Variants in FCGR3B observed in about 807,000 individuals in gnomAD.
The protein encoded by FCGR3B is Fc gamma receptor IIIb, also known as low affinity immunoglobulin gamma Fc region receptor III-B.
Under a neutral mutation model 26.7 loss-of-function variants are expected in FCGR3B, and 20 were observed. The ratio of observed to expected loss-of-function variants is 0.75; its 90% confidence interval spans 0.53 to 1.09. The LOEUF is 1.09. FCGR3B is among the 50% of genes least tolerant of loss of function. The probability of loss-of-function intolerance (pLI) is 0.00; values close to 1 mark genes in which losing one functional copy is unlikely to be tolerated. For synonymous variants in FCGR3B, 79 were observed against 107.0 expected, an observed-to-expected ratio of 0.74 and a Z score of 1.62; for missense variants, 191 against 279.7, an observed-to-expected ratio of 0.68 and a Z score of 2.26.
intron 3 of FCGR3B, among the ~76,000 whole-genome samples, chr1:161,627,738 C>T (rs982791918): frequency 3.3e-5 from 5 of 150,046 alleles, no homozygotes; most frequent in Non-Finnish European, 5.9e-5. Flanking sequence ...CAGTGAATGC[C>T]CATGTGTATA....
At chr1:161,624,774 G>A in intron 4 of FCGR3B, 135 bp from the exon 5 acceptor site, 1 of 833,242 alleles carries the variant, frequency 1.2e-6, no homozygotes, top group South Asian at 1.8e-5. Flanking sequence ...GGGAGGTCTG[G>A]GGGAAAGTAT....
Position 161,624,624 on chromosome 1 carries a change from G to C in FCGR3B, c.593C>G (p.Thr198Ser), listed in dbSNP as rs560051377. The C allele has an allele frequency of 7.5e-6, 12 of 1,605,750 alleles. No individual in the cohort carries two copies. The South Asian group carries it at 1.0e-4, about 13-fold the overall frequency. The change falls in exon 5 of 5, where the codon ACC becomes AGC. Residue 198 changes from threonine to serine, a missense_variant. Transcript: ENST00000650385. ...CCCAGGTGGAGAGAATGATGAGATG[G>C]TTGACACTGCCAAACCTATTAGGAG... ...ITITQGLAVS[T>S]ISSFSPPGYQ...
At chr1:161,631,307 C>A (rs67020125), upstream of FCGR3B, 99,778 of 1,265,712 alleles carry the variant, frequency 0.079, 6,938 homozygotes, top group East Asian at 0.16. Context: ...AGGAAAGAGC[C>A]TGGAGGCAAG....
In FCGR3B at chr1:161,631,046, C is replaced by A. The variant is rs199723977; in HGVS notation, c.40+9G>T. ...AACTTCTCCCTCAACCAGGGAGATCCTGACTTACCTAGAAGTAGCAGAGCA... is the reference window on the plus strand; with the variant it reads ...AACTTCTCCCTCAACCAGGGAGATCATGACTTACCTAGAAGTAGCAGAGCA... On this transcript the variant is annotated intron_variant, in intron 1 of 4. Transcript: ENST00000650385. 1.4e-5 allele frequency: 22 copies of A among 1,604,394 alleles called. No homozygotes were observed. The highest frequency in any genetic ancestry group is 1.8e-5 in the Non-Finnish European group (21 of 1,176,512).
At chr1:161,627,237 G>A (rs1679512488) in intron 3 of FCGR3B, among the ~76,000 whole-genome samples, 2 of 150,046 alleles carry the variant, frequency 1.3e-5, no homozygotes, top group South Asian at 4.2e-4. Context: ...AGTTAAAAAA[G>A]CATAATACTT....
chr1:161,631,001 G>C, intron 1 of FCGR3B, 54 bp downstream of exon 1: 1 of 1,551,858 alleles, frequency 6.4e-7, no homozygotes, highest in Non-Finnish European at 8.7e-7. Context: ...AGGGGTGTCT[G>C]ATGAACCCAA....
chr1:161,624,161 A>C lies in FCGR3B; in HGVS notation c.*354T>G. On this transcript the variant is annotated 3_prime_UTR_variant, in exon 5 of 5. Coordinates refer to ENST00000650385, the MANE Select transcript of FCGR3B (RefSeq NM_001244753.2). ...TAAAGGATTACCATCCCTAGCCTGT[A>C]TTGTTGCTTTGCTGTGAGGGAATGG... 1 of 243,562 alleles carries C rather than the reference A, an allele frequency of 4.1e-6. No individual in the cohort carries two copies. Among genetic ancestry groups the C allele is most frequent in the Non-Finnish European group, 8.0e-6 (1 of 124,888 alleles). 15.1% of individuals were successfully genotyped at this position (243,562 alleles called of 1,614,324 possible).
upstream of FCGR3B, chr1:161,631,202 T>C: frequency 1.3e-6 from 2 of 1,592,752 alleles, no homozygotes; most frequent in Non-Finnish European, 1.7e-6. Flanking sequence ...CCTCCACCCA[T>C]CTCTGTCACC....
chr1:161,624,890 C>T (rs1436280506), intron 4 of FCGR3B, among the ~76,000 whole-genome samples: 1 of 145,122 alleles, frequency 6.9e-6, no homozygotes, highest in Non-Finnish European at 1.5e-5. Flanking sequence ...TGACAGGGAG[C>T]GTTAACAAGT....
At chr1:161,626,835 GCAAT>G (rs1321580675) in intron 3 of FCGR3B, among the ~76,000 whole-genome samples, 2 of 150,420 alleles carry the variant, frequency 1.3e-5, no homozygotes, top group Non-Finnish European at 3.0e-5. Flanking sequence ...GAAGGAATAG[GCAAT>G]CAAAGGAATA....
In FCGR3B at chr1:161,631,038, G is replaced by C; in HGVS notation, c.40+17C>G. The C allele has an allele frequency of 6.2e-7, 1 of 1,602,910 alleles. No homozygotes were observed. Among genetic ancestry groups the C allele is most frequent in the Non-Finnish European group, 8.5e-7 (1 of 1,175,974 alleles). ...GCATCTCAAACTTCTCCCTCAACCAGGGAGATCCTGACTTACCTAGAAGTA... is the reference window on the plus strand; with the variant it reads ...GCATCTCAAACTTCTCCCTCAACCACGGAGATCCTGACTTACCTAGAAGTA... On this transcript the variant is annotated intron_variant, in intron 1 of 4. Coordinates refer to ENST00000650385, the MANE Select transcript of FCGR3B (RefSeq NM_001244753.2).
chr1:161,631,356 C>T (rs185987033), upstream of FCGR3B: 1,254 of 725,438 alleles, frequency 1.7e-3, 41 homozygotes, highest in Middle Eastern at 5.5e-3. Flanking sequence ...CAAAGGTCTG[C>T]GGCTGAGCAT....
intron 3 of FCGR3B, among the ~76,000 whole-genome samples, chr1:161,628,130 G>C (rs757287351): frequency 6.7e-6 from 1 of 149,774 alleles, no homozygotes; most frequent in African/African-American, 2.5e-5. Flanking sequence ...AAAATTAGCC[G>C]GGCGTGGTGG....
intron 1 of FCGR3B, chr1:161,630,710 A>G (rs1205408887): frequency 1.3e-5 from 7 of 541,500 alleles, no homozygotes; most frequent in South Asian, 2.4e-5. Context: ...TATCCCCACA[A>G]GAAAGGGTAG....
chr1:161,625,877 G>T lies in FCGR3B; in HGVS notation c.577+268C>A, dbSNP rs1403849409. On this transcript the variant is annotated intron_variant, in intron 4 of 4. Transcript: ENST00000650385. ...GTAAGGAAAGACAGAGGTATTTATTGGGGAGGAGATGTGGCTTCTGCTCCT... is the reference window on the plus strand; with the variant it reads ...GTAAGGAAAGACAGAGGTATTTATTTGGGAGGAGATGTGGCTTCTGCTCCT... 6.1e-5 allele frequency among the ~76,000 whole-genome samples: 9 copies of T among 148,018 alleles called. 1 individual carries two copies. In the South Asian group the frequency reaches 1.1e-3, roughly 18 times the overall value.
chr1:161,629,510 G>A (rs1305239210), intron 3 of FCGR3B, among the ~76,000 whole-genome samples: 1 of 32,688 alleles, frequency 3.1e-5, no homozygotes. Flanking sequence ...ACCTTCACAT[G>A]ACACATTCAC....
chr1:161,625,585 G>T lies in FCGR3B; in HGVS notation c.577+560C>A, dbSNP rs868512977. On this transcript the variant is annotated intron_variant, in intron 4 of 4. Transcript: ENST00000650385. ...GGTAGTCAAACCAGGTGCATGTAAAGAATTGTTTAGCACAGAGTCTAGCAC... is the reference window on the plus strand; with the variant it reads ...GGTAGTCAAACCAGGTGCATGTAAATAATTGTTTAGCACAGAGTCTAGCAC... Among the ~76,000 whole-genome samples, 14 of 140,528 alleles carry T rather than the reference G, an allele frequency of 1.0e-4. 1 individual carries two copies. In the Middle Eastern group the frequency reaches 0.011, roughly 106 times the overall value. The allele number at this position is 140,528 out of a possible 152,430, so 92.2% of individuals were successfully genotyped here.
upstream of FCGR3B, chr1:161,631,476 C>T (rs1056779156): frequency 4.0e-6 from 2 of 494,992 alleles, no homozygotes; most frequent in Non-Finnish European, 7.0e-6. Flanking sequence ...ACAGCAAGAC[C>T]CTGGGGATGA....
In FCGR3B at chr1:161,630,326, T is replaced by C. The variant is rs148943327; in HGVS notation, c.61+42A>G. On this transcript the variant is annotated intron_variant, in intron 2 of 4. Transcript: ENST00000650385. ...ATATCTTATGGCCATTGTCCCCATA[T>C]GTGCCCCACTGGGTCAATCCAAGAC... 4,762 of 1,572,494 alleles carry C rather than the reference T, an allele frequency of 3.0e-3. 445 individuals are homozygous for C. In the African/African-American group the frequency reaches 0.06, roughly 20 times the overall value.
Sources: allele counts gnomAD v4.1 joint callset (sites outside exome capture counted in the v4.1 genomes callset), GRCh38; gene constraint gnomAD v4.1.1; transcripts MANE v1.5; gene names NCBI Gene and HGNC (gene_info 2026-07-23, HGNC 2026-07-21).